The following ITPRID1 variants were observed in gnomAD, a reference collection of about 807,000 sequenced individuals.
ITPRID1 encodes protein ITPRID1.
ITPRID1 carries 96 observed loss-of-function variants against 95.4 expected under a neutral mutation model. The ratio of observed to expected loss-of-function variants is 1.01; its 90% CI spans 0.85 to 1.19. The LOEUF (loss-of-function observed/expected upper bound fraction) is 1.19, where lower values mean the gene tolerates loss of function less well. Ranked by LOEUF, ITPRID1 falls within the 50% of genes most tolerant of loss-of-function variation. The pLI is 0.00. For synonymous variants in ITPRID1, 510 were observed against 453.6 expected, an observed-to-expected ratio of 1.12 and a Z score of -1.58; for missense variants, 1,339 against 1,252.9, an observed-to-expected ratio of 1.07 and a Z score of -1.04.
At chr7:31,635,937 AT>A (rs985617947) in intron 10 of ITPRID1, among the ~76,000 whole-genome samples, 1 of 152,050 alleles carries the variant, frequency 6.6e-6, no homozygotes, top group Non-Finnish European at 1.5e-5. Context: ...ACTTAAAATA[AT>A]TTTTTTTAAA....
chr7:31,573,410 AAAAG>A (rs1183365547), intron 7 of ITPRID1, among the ~76,000 whole-genome samples: 2 of 152,148 alleles, frequency 1.3e-5, no homozygotes, highest in Non-Finnish European at 2.9e-5. Context: ...TTAAAGAAAA[AAAAG>A]AAAGTGTGAA....
intron 9 of ITPRID1, among the ~76,000 whole-genome samples, chr7:31,580,253 G>T (rs933196861): frequency 7.0e-6 from 1 of 143,502 alleles, no homozygotes; most frequent in East Asian, 2.1e-4. Context: ...AGCCGAGATC[G>T]CACCACTGCT....
chr7:31,635,707 G>A (rs536821816), intron 10 of ITPRID1, among the ~76,000 whole-genome samples: 8 of 152,084 alleles, frequency 5.3e-5, no homozygotes, highest in African/African-American at 1.2e-4. Context: ...GGTAATTTAT[G>A]AAGAAAAGAG....
At chr7:31,633,233 G>A (rs1426482120) in intron 10 of ITPRID1, among the ~76,000 whole-genome samples, 3 of 152,134 alleles carry the variant, frequency 2.0e-5, no homozygotes, top group Non-Finnish European at 2.9e-5. Flanking sequence ...GAGTCCAAGC[G>A]AGCTGTCTTT....
intron 5 of ITPRID1, among the ~76,000 whole-genome samples, chr7:31,556,907 C>A (rs760769480): frequency 6.6e-6 from 1 of 151,934 alleles, no homozygotes; most frequent in South Asian, 2.1e-4. Flanking sequence ...AAGGTGTCAC[C>A]AAGACTGATC....
chr7:31,627,627 T>G (rs1788585505), intron 10 of ITPRID1, among the ~76,000 whole-genome samples: 1 of 119,762 alleles, frequency 8.3e-6, no homozygotes, highest in East Asian at 2.9e-4. Context: ...GCCACTGCAA[T>G]CCAGCCTGAG....
At chr7:31,632,575 GATTTCAAAA>G (rs1400214476) in intron 10 of ITPRID1, among the ~76,000 whole-genome samples, 1 of 152,170 alleles carries the variant, frequency 6.6e-6, no homozygotes, top group Non-Finnish European at 1.5e-5. Context: ...TTTATTTATT[GATTTCAAAA>G]TAGAGACTGA....
At chr7:31,558,600 G>T (rs1435895278) in intron 5 of ITPRID1, among the ~76,000 whole-genome samples, 1 of 152,164 alleles carries the variant, frequency 6.6e-6, no homozygotes, top group African/African-American at 2.4e-5. Context: ...GTACAGCATG[G>T]TGACTATATT....
chr7:31,553,968 A>C (rs182068132), intron 3 of ITPRID1, among the ~76,000 whole-genome samples: 15 of 152,274 alleles, frequency 9.9e-5, no homozygotes, highest in Admixed American at 8.5e-4. Flanking sequence ...TGCCTTTGGC[A>C]ATCCAGGGAC....
Position 31,652,881 on chromosome 7 carries a change from T to A in ITPRID1, c.*52T>A, listed in dbSNP as rs1583763173. The A allele has an allele frequency of 6.4e-7, 1 of 1,565,230 alleles. No individual in the cohort carries two copies. The highest frequency in any genetic ancestry group is 2.3e-5 in the East Asian group (1 of 44,102). On this transcript the variant is annotated 3_prime_UTR_variant, in exon 15 of 15. Coordinates refer to ENST00000615280, the MANE Select transcript of ITPRID1 (RefSeq NM_001257967.3). ...ACAAAATATAAAGGCCCAGAACAGA[T>A]GTAGCAAGGAAATTTCAATTTTCCC... is the stretch of plus-strand genomic sequence containing the variant.
chr7:31,640,379 C>T (rs1405203519), intron 10 of ITPRID1, among the ~76,000 whole-genome samples: 1 of 152,118 alleles, frequency 6.6e-6, no homozygotes, highest in Non-Finnish European at 1.5e-5. Flanking sequence ...CAAGAGAGAC[C>T]CTCTAGAGTT....
intron 11 of ITPRID1, among the ~76,000 whole-genome samples, 193 bp from the exon 12 acceptor site, chr7:31,642,484 CCTTTT>C (rs1310611851): frequency 3.3e-5 from 5 of 152,286 alleles, no homozygotes; most frequent in South Asian, 2.1e-4. Context: ...GCCTTCCTTT[CCTTTT>C]GACTTTTCTA....
intron 10 of ITPRID1, among the ~76,000 whole-genome samples, chr7:31,594,277 G>C (rs1367191418): frequency 6.6e-6 from 1 of 152,104 alleles, no homozygotes; most frequent in East Asian, 1.9e-4. Flanking sequence ...TTCAAACAAT[G>C]AGAAAATCAA....
In ITPRID1 at chr7:31,519,107, G is replaced by T. The variant is rs78714887; in HGVS notation, c.-98+4987G>T. On this transcript the variant is annotated intron_variant, in intron 1 of 14. Coordinates refer to ENST00000615280, the MANE Select transcript of ITPRID1 (RefSeq NM_001257967.3). ...CTTGTCCGAGATTGTATCCTGCAGC[G>T]TGCTCTGCAGGTACCCCAAATGCTC... Among the ~76,000 whole-genome samples, 6 of 152,244 alleles carry T rather than the reference G, an allele frequency of 3.9e-5. No individual in the cohort carries two copies. In the South Asian group the frequency reaches 6.2e-4, roughly 16 times the overall value.
rs1276551544 is a variant in ITPRID1, at chr7:31,613,280, C to CTCTT, written c.1229-28894_1229-28891dup. ...GTTCACTGTTCTTATTGATAGTCAA[C>CTCTT]TCTTTTTTTCTCGTATAAATGCTCC... is the stretch of plus-strand genomic sequence containing the variant. On this transcript the variant is annotated intron_variant, in intron 10 of 14. Transcript: ENST00000615280. Among the ~76,000 whole-genome samples, 14 of 152,236 alleles carry CTCTT rather than the reference C, an allele frequency of 9.2e-5. No homozygotes were observed. The East Asian group carries it at 2.7e-3, about 29-fold the overall frequency.
chr7:31,657,838 G>A (rs11979610), downstream of ITPRID1, among the ~76,000 whole-genome samples: 116,012 of 152,044 alleles, frequency 0.76, 44,328 homozygotes, highest in East Asian at 0.82. Context: ...GTTTAGAGTC[G>A]TCTCATTTAA....
At chr7:31,634,551 C>T (rs761922099) in intron 10 of ITPRID1, among the ~76,000 whole-genome samples, 38 of 152,256 alleles carry the variant, frequency 2.5e-4, no homozygotes, top group Non-Finnish European at 4.7e-4. Flanking sequence ...CAGAATCAGA[C>T]TCCAGTAGAG....
chr7:31,587,593 C>A (rs1181402890), intron 10 of ITPRID1, among the ~76,000 whole-genome samples: 2 of 149,846 alleles, frequency 1.3e-5, no homozygotes, highest in Non-Finnish European at 3.0e-5. Flanking sequence ...CAATGCCATC[C>A]CCATCAAGCT....
chr7:31,614,288 G>A (rs1787014160), intron 10 of ITPRID1, among the ~76,000 whole-genome samples: 1 of 152,122 alleles, frequency 6.6e-6, no homozygotes, highest in Non-Finnish European at 1.5e-5. Context: ...ATGCTTTACA[G>A]GGGAAGGCTA....
Sources: gnomAD v4.1 joint callset for allele counts (sites outside exome capture counted in the v4.1 genomes callset) on GRCh38, gnomAD v4.1.1 for gene constraint, MANE v1.5 for transcripts, NCBI Gene and HGNC (gene_info 2026-07-23, HGNC 2026-07-21) for gene names.